JMJD1C: variants seen among roughly 807,000 people sequenced by gnomAD.
The protein encoded by JMJD1C is jumonji domain containing 1C.
JMJD1C carries 31 observed loss-of-function variants against 245.3 expected under a neutral mutation model. The ratio of observed to expected loss-of-function variants is 0.13; its 90% CI spans 0.09 to 0.17. The LOEUF (loss-of-function observed/expected upper bound fraction) is 0.17, where lower values mean the gene tolerates loss of function less well. Ranked by LOEUF, JMJD1C falls within the 10% of genes least tolerant of loss-of-function variation. The pLI, the probability that JMJD1C is intolerant of heterozygous loss-of-function variation, is 1.00. For synonymous variants in JMJD1C, 1,057 were observed against 1,017.4 expected (o/e 1.04, Z -0.74); for missense variants, 2,691 against 3,000.2 (o/e 0.90, Z 2.41).
chr10:63,456,721 C>A (rs1952439592), intron 1 of JMJD1C, among the ~76,000 whole-genome samples: 1 of 152,104 alleles, frequency 6.6e-6, no homozygotes, highest in South Asian at 2.1e-4. Flanking sequence ...TTACATGCAA[C>A]CTTCTACGTT....
chr10:63,263,933 GAA>G (rs1225176795), intron 3 of JMJD1C, among the ~76,000 whole-genome samples: 2 of 62,720 alleles, frequency 3.2e-5, no homozygotes, highest in Non-Finnish European at 5.8e-5. Context: ...CTCCATCACG[GAA>G]AAAAAAAAAA....
intron 1 of JMJD1C, among the ~76,000 whole-genome samples, chr10:63,392,832 A>AG: frequency 6.9e-6 from 1 of 145,302 alleles, no homozygotes; most frequent in Non-Finnish European, 1.5e-5. Flanking sequence ...TCCAAAAAAA[A>AG]AAAAAAAAAA....
intron 1 of JMJD1C, among the ~76,000 whole-genome samples, chr10:63,445,334 A>G (rs1221200618): frequency 6.6e-6 from 1 of 152,226 alleles, no homozygotes; most frequent in Admixed American, 6.5e-5. Flanking sequence ...TAGATAAGGT[A>G]GTCTTCAAAG....
chr10:63,391,725 C>T (rs1029414361), intron 1 of JMJD1C, among the ~76,000 whole-genome samples: 4 of 151,992 alleles, frequency 2.6e-5, no homozygotes, highest in Non-Finnish European at 4.4e-5. Flanking sequence ...TTGTCTGAAG[C>T]GATACAAAGA....
At chr10:63,191,467 A>C (rs1476968499) in intron 16 of JMJD1C, among the ~76,000 whole-genome samples, 1 of 152,168 alleles carries the variant, frequency 6.6e-6, no homozygotes, top group Non-Finnish European at 1.5e-5. Context: ...GCATGGTGCT[A>C]AAGTACAGAC....
intron 2 of JMJD1C, among the ~76,000 whole-genome samples, chr10:63,326,910 G>A (rs1174515264): frequency 1.3e-5 from 2 of 152,130 alleles, no homozygotes; most frequent in African/African-American, 4.8e-5. Context: ...CCAGGGGCTG[G>A]GCATGGTGGC....
At chr10:63,430,049 A>T (rs1435827253) in intron 1 of JMJD1C, among the ~76,000 whole-genome samples, 2 of 152,218 alleles carry the variant, frequency 1.3e-5, no homozygotes, top group African/African-American at 4.8e-5. Context: ...CTATTTCTAA[A>T]GCCACTTTTT....
chr10:63,455,353 A>G (rs1952345412), intron 1 of JMJD1C, among the ~76,000 whole-genome samples: 1 of 152,180 alleles, frequency 6.6e-6, no homozygotes, highest in African/African-American at 2.4e-5. Flanking sequence ...TTAAAGCTTA[A>G]CCCTATCCAC....
intron 1 of JMJD1C, among the ~76,000 whole-genome samples, chr10:63,455,963 A>G (rs886684451): frequency 6.6e-6 from 1 of 152,130 alleles, no homozygotes; most frequent in Admixed American, 6.5e-5. Context: ...ATTAACTGTA[A>G]GCATATTTGC....
chr10:63,381,455 G>C (rs1162938840), intron 1 of JMJD1C, among the ~76,000 whole-genome samples: 3 of 152,102 alleles, frequency 2.0e-5, no homozygotes, highest in Non-Finnish European at 4.4e-5. Flanking sequence ...TGAGGCTACA[G>C]TGAGCTATGA....
At chr10:63,234,493 T>TTAAA (rs1850423515) in intron 3 of JMJD1C, among the ~76,000 whole-genome samples, 1 of 37,026 alleles carries the variant, frequency 2.7e-5, no homozygotes, top group African/African-American at 1.1e-4. Flanking sequence ...AACCTCCTCT[T>TTAAA]AAAAAAAAAA....
chr10:63,520,744 G>A (rs886929394), intron 1 of JMJD1C, among the ~76,000 whole-genome samples: 2 of 152,170 alleles, frequency 1.3e-5, no homozygotes, highest in African/African-American at 4.8e-5. Flanking sequence ...CAGATGCTCT[G>A]ATGAAAAGGT....
At chr10:63,225,191 C>T (rs2133334519) in intron 3 of JMJD1C, among the ~76,000 whole-genome samples, 1 of 152,162 alleles carries the variant, frequency 6.6e-6, no homozygotes, top group Admixed American at 6.5e-5. Flanking sequence ...TTTTCAAAAA[C>T]AAGTCACCTA....
At chr10:63,279,864 G>C (rs1857204869) in intron 2 of JMJD1C, among the ~76,000 whole-genome samples, 1 of 152,094 alleles carries the variant, frequency 6.6e-6, no homozygotes, top group Non-Finnish European at 1.5e-5. Flanking sequence ...ATCAAAACTT[G>C]AATAGGCTGG....
intron 2 of JMJD1C, among the ~76,000 whole-genome samples, chr10:63,368,157 C>A (rs1188271355): frequency 6.6e-6 from 1 of 152,014 alleles, no homozygotes; most frequent in Non-Finnish European, 1.5e-5. Context: ...GATTCTGGAC[C>A]CAAAAATTTC....
chr10:63,253,629 G>A (rs1030368148), intron 3 of JMJD1C, among the ~76,000 whole-genome samples: 1 of 151,988 alleles, frequency 6.6e-6, no homozygotes, highest in Admixed American at 6.6e-5. Context: ...CAGGTGATCC[G>A]CCCACTTCAG....
At position 63,461,382 on chromosome 10, in the gene JMJD1C, T is replaced by C. The variant is rs139744323; in HGVS notation, c.168+4113A>G. On this transcript the variant is annotated intron_variant, in intron 1 of 25. Transcript: ENST00000399262. ...CATTTTTAATAATGATGCAAGACAATATAAATGTCAGACTGACATAAAGAA... is the reference window on the plus strand; with the variant it reads ...CATTTTTAATAATGATGCAAGACAACATAAATGTCAGACTGACATAAAGAA... Among the ~76,000 whole-genome samples, 102 of 152,182 alleles carry C rather than the reference T, an allele frequency of 6.7e-4. No homozygotes were observed. In the Middle Eastern group the frequency reaches 0.01, roughly 15 times the overall value.
At chr10:63,345,332 C>T (rs1394759360) in intron 2 of JMJD1C, among the ~76,000 whole-genome samples, 1 of 151,834 alleles carries the variant, frequency 6.6e-6, no homozygotes, top group Non-Finnish European at 1.5e-5. Flanking sequence ...ACTAAAGATA[C>T]AAAAATTAGC....
In JMJD1C at chr10:63,176,468, T is replaced by C. The variant is rs371366450; in HGVS notation, c.7230A>G (p.Ser2410=). The C allele has an allele frequency of 8.1e-6, 13 of 1,610,274 alleles. No homozygotes were observed. In the African/African-American group the frequency reaches 1.7e-4, roughly 22 times the overall value. ...GTAGAACTTCAAGGCCTTGTTCTTT[T>C]GAAATCTGAAATATGAATTAAAATA... is the stretch of plus-strand genomic sequence containing the variant. ...DKIREFLQKI[S]KEQGLEVLPE... is the part of the protein sequence containing the mutation. Residue 2410 remains serine, a synonymous_variant, in exon 24 of 26, where the codon TCA becomes TCG. Coordinates refer to ENST00000399262, the MANE Select transcript of JMJD1C (RefSeq NM_032776.3).
Sources: gnomAD v4.1 joint callset for allele counts (sites outside exome capture counted in the v4.1 genomes callset) on GRCh38, gnomAD v4.1.1 for gene constraint, MANE v1.5 for transcripts, NCBI Gene and HGNC (gene_info 2026-07-23, HGNC 2026-07-21) for gene names.